The following SLIT3 variants were observed in gnomAD, a reference collection of about 807,000 sequenced individuals.
The protein encoded by SLIT3 is slit guidance ligand 3.
In SLIT3, 68 loss-of-function variants were observed where a neutral mutation model predicts 184.0. The observed-to-expected ratio is 0.37, with a 90% confidence interval of 0.30 to 0.45. The LOEUF (loss-of-function observed/expected upper bound fraction) is 0.45. Among genes scored for constraint, SLIT3 ranks in the 20% least tolerant of loss-of-function variants. The probability of loss-of-function intolerance (pLI) is 1.00; values close to 1 mark genes in which losing one functional copy is unlikely to be tolerated. For synonymous variants in SLIT3, 831 were observed against 828.6 expected (o/e 1.00, Z -0.05); for missense variants, 1,707 against 2,026.0 (o/e 0.84, Z 3.02).
intron 4 of SLIT3, among the ~76,000 whole-genome samples, chr5:168,945,179 C>G (rs148403540): frequency 8.2e-4 from 125 of 152,238 alleles, no homozygotes; most frequent in South Asian, 4.4e-3. Flanking sequence ...TAATGACTGA[C>G]CATGCAAAAC....
intron 4 of SLIT3, among the ~76,000 whole-genome samples, chr5:169,139,137 G>A (rs1203063317): frequency 2.0e-5 from 3 of 152,182 alleles, no homozygotes; most frequent in Non-Finnish European, 4.4e-5. Context: ...CCAGTGCCAT[G>A]AGCACCAGCC....
intron 28 of SLIT3, among the ~76,000 whole-genome samples, chr5:168,693,621 G>A (rs1761970205): frequency 6.6e-6 from 1 of 152,208 alleles, no homozygotes; most frequent in Admixed American, 6.5e-5. Context: ...ATCTAAGAGA[G>A]GGAAAGGTCT....
chr5:168,883,416 C>T (rs1760030580), intron 4 of SLIT3, 80 bp from the exon 5 acceptor site: 3 of 1,116,590 alleles, frequency 2.7e-6, no homozygotes, highest in Non-Finnish European at 4.0e-6. Flanking sequence ...ATAACAATCC[C>T]CCCCACCCAG....
chr5:168,882,188 C>T (rs995992229), intron 5 of SLIT3, among the ~76,000 whole-genome samples: 3 of 152,082 alleles, frequency 2.0e-5, no homozygotes, highest in Non-Finnish European at 2.9e-5. Context: ...TTAAGCCTCC[C>T]TTAAGACGTC....
rs543767778 is a variant in SLIT3 at position 168,789,522 on chromosome 5, C to T, written c.1079+38G>A. 1.5e-5 allele frequency: 23 copies of T among 1,548,338 alleles called. No homozygotes were observed. In the South Asian group the frequency reaches 1.8e-4, roughly 12 times the overall value. On this transcript the variant is annotated intron_variant, in intron 11 of 35. Coordinates refer to ENST00000519560, the MANE Select transcript of SLIT3 (RefSeq NM_003062.4). ...GTCTCTCTTCCCTCCAGCGCCCCCC[C>T]TCCCCTCACCTCAGGCCCCAACTCG...
intron 1 of SLIT3, among the ~76,000 whole-genome samples, chr5:169,266,369 G>A (rs1279147577): frequency 1.3e-5 from 2 of 152,176 alleles, no homozygotes; most frequent in African/African-American, 4.8e-5. Flanking sequence ...TAAATTTCCT[G>A]TGCCCTTTGA....
intron 4 of SLIT3, among the ~76,000 whole-genome samples, chr5:168,979,496 T>TC (rs1581264310): frequency 6.6e-6 from 1 of 152,222 alleles, no homozygotes; most frequent in East Asian, 1.9e-4. Context: ...CTCCTTTTTT[T>TC]CTGTACTTCA....
chr5:168,755,407 T>C lies in SLIT3; in HGVS notation c.1686-1400A>G, dbSNP rs772014089. ...TGCCGCCATTTCTTTCTTTCTTTCT[T>C]TCTTTCTTTCTTTCTTTCTTTCTTT... On this transcript the variant is annotated intron_variant, in intron 16 of 35. Transcript: ENST00000519560. Among the ~76,000 whole-genome samples, 15 of 20,882 alleles carry C rather than the reference T, an allele frequency of 7.2e-4. No homozygotes were observed. The East Asian group carries it at 0.012, about 16-fold the overall frequency. 13.7% of individuals were successfully genotyped at this position (20,882 alleles called of 152,430 possible).
chr5:169,194,163 A>G (rs1415485029), intron 3 of SLIT3, among the ~76,000 whole-genome samples: 1 of 138,560 alleles, frequency 7.2e-6, no homozygotes, highest in East Asian at 2.4e-4. Flanking sequence ...TGAACCCAGG[A>G]GGCAGAGGTT....
At chr5:168,875,622 A>G (rs1204474143) in intron 5 of SLIT3, among the ~76,000 whole-genome samples, 2 of 151,930 alleles carry the variant, frequency 1.3e-5, no homozygotes, top group Non-Finnish European at 2.9e-5. Flanking sequence ...CAACAAGAGC[A>G]AAACTCCGCC....
chr5:169,125,380 C>A (rs913873166), intron 4 of SLIT3, among the ~76,000 whole-genome samples: 1 of 152,222 alleles, frequency 6.6e-6, no homozygotes, highest in Non-Finnish European at 1.5e-5. Context: ...TCTTAGCCAC[C>A]TGCATGCCAT....
At chr5:169,018,761 C>T (rs895584765) in intron 4 of SLIT3, 1 of 152,202 alleles carries the variant, frequency 6.6e-6, no homozygotes, top group African/African-American at 2.4e-5. Context: ...TAAAATATCT[C>T]CGACAACTCT....
intron 14 of SLIT3, among the ~76,000 whole-genome samples, chr5:168,770,324 C>A (rs1457821407): frequency 6.6e-6 from 1 of 152,186 alleles, no homozygotes; most frequent in African/African-American, 2.4e-5. Context: ...AAATTGCCTC[C>A]TAATTACATC....
intron 4 of SLIT3, among the ~76,000 whole-genome samples, chr5:169,159,949 A>G (rs1762426638): frequency 6.6e-6 from 1 of 152,186 alleles, no homozygotes; most frequent in Non-Finnish European, 1.5e-5. Context: ...ACTCCAACTT[A>G]GACTACTGGG....
intron 5 of SLIT3, among the ~76,000 whole-genome samples, chr5:168,845,606 T>A (rs895745226): frequency 1.3e-5 from 2 of 152,086 alleles, no homozygotes; most frequent in Non-Finnish European, 2.9e-5. Context: ...AGTTGAGGGA[T>A]CATACACAGA....
intron 4 of SLIT3, among the ~76,000 whole-genome samples, chr5:168,888,112 G>A (rs1760292386): frequency 6.6e-6 from 1 of 152,196 alleles, no homozygotes; most frequent in African/African-American, 2.4e-5. Context: ...CGGGGGTTAA[G>A]TGATTAATGA....
intron 22 of SLIT3, among the ~76,000 whole-genome samples, chr5:168,722,543 T>A (rs1435194631): frequency 6.6e-6 from 1 of 152,204 alleles, no homozygotes; most frequent in African/African-American, 2.4e-5. Context: ...CAGGCTGGCT[T>A]TCTAACCAGC....
intron 4 of SLIT3, among the ~76,000 whole-genome samples, chr5:168,976,268 CACTCTTTTGCAA>C (rs1447001277): frequency 6.6e-6 from 1 of 152,184 alleles, no homozygotes; most frequent in African/African-American, 2.4e-5. Flanking sequence ...TCTTCTGATA[CACTCTTTTGCAA>C]ACTACAGGTC....
intron 18 of SLIT3, chr5:168,752,749 T>C: frequency 1.7e-6 from 1 of 574,962 alleles, no homozygotes; most frequent in South Asian, 2.2e-5. Flanking sequence ...CAATTCACTA[T>C]GCTGTGAGTT....
Sources: gnomAD v4.1 joint callset for allele counts (sites outside exome capture counted in the v4.1 genomes callset) on GRCh38, gnomAD v4.1.1 for gene constraint, MANE v1.5 for transcripts, NCBI Gene and HGNC (gene_info 2026-07-23, HGNC 2026-07-21) for gene names.